The following MNAT1 variants were observed in gnomAD, a reference collection of about 807,000 sequenced individuals.
The protein encoded by MNAT1 is MNAT1 component of CDK activating kinase.
MNAT1 carries 43 observed loss-of-function variants against 42.0 expected under a neutral mutation model. The ratio of observed to expected loss-of-function variants is 1.02; its 90% confidence interval spans 0.80 to 1.32. The LOEUF (loss-of-function observed/expected upper bound fraction) is 1.32, where lower values mean the gene tolerates loss of function less well. Ranked by LOEUF, MNAT1 falls within the 40% of genes most tolerant of loss-of-function variation. The pLI is 0.00. For missense variants in MNAT1, 306 were observed against 350.4 expected (o/e 0.87, Z 1.01); for synonymous variants, 118 against 120.0 (o/e 0.98, Z 0.11).
intron 1 of MNAT1, among the ~76,000 whole-genome samples, chr14:60,795,992 T>C (rs2032005577): frequency 6.6e-6 from 1 of 152,172 alleles, no homozygotes; most frequent in Admixed American, 6.5e-5. Flanking sequence ...ATTTATAAAT[T>C]TGTTTGATCT....
intron 7 of MNAT1, among the ~76,000 whole-genome samples, chr14:60,943,232 C>T (rs1165656557): frequency 6.6e-6 from 1 of 151,924 alleles, no homozygotes; most frequent in Non-Finnish European, 1.5e-5. Flanking sequence ...GATTTAACTT[C>T]TATAGATCTG....
intron 7 of MNAT1, among the ~76,000 whole-genome samples, chr14:60,948,580 T>C (rs1400330939): frequency 6.6e-6 from 1 of 152,168 alleles, no homozygotes; most frequent in Admixed American, 6.5e-5. Flanking sequence ...TCATTTTCCT[T>C]TCATGTATCA....
intron 7 of MNAT1, among the ~76,000 whole-genome samples, chr14:60,931,055 TA>T (rs1484454537): frequency 1.3e-5 from 2 of 152,044 alleles, no homozygotes; most frequent in East Asian, 1.9e-4. Context: ...AAGCCTGAAG[TA>T]AAATAAAGTG....
chr14:60,752,392 T>G (rs73311456), intron 1 of MNAT1, among the ~76,000 whole-genome samples: 1 of 152,338 alleles, frequency 6.6e-6, no homozygotes, highest in African/African-American at 2.4e-5. Context: ...TAAAATAGAT[T>G]TATTTTAAGC....
At position 60,779,487 on chromosome 14, in the gene MNAT1, A is replaced by C. The variant is rs145868462; in HGVS notation, c.90-16730A>C. On this transcript the variant is annotated intron_variant, in intron 1 of 7. Transcript: ENST00000261245. ...TTCCCGTGGAAACAAAATAAGTAGA[A>C]TCCTTAAGAAGCTGTTTCCGGCTGG... is the stretch of plus-strand genomic sequence containing the variant. 4.9e-3 allele frequency among the ~76,000 whole-genome samples: 740 copies of C among 152,146 alleles called. 10 individuals carry two copies. The highest frequency in any genetic ancestry group is 0.016 in the African/African-American group (666 of 41,516).
intron 7 of MNAT1, chr14:60,919,927 G>T: frequency 6.2e-6 from 1 of 160,608 alleles, no homozygotes. Flanking sequence ...CCTGGTAGGA[G>T]AACTTGTTCC....
chr14:60,911,930 C>G (rs1047409282), intron 7 of MNAT1, among the ~76,000 whole-genome samples: 1 of 152,046 alleles, frequency 6.6e-6, no homozygotes, highest in Non-Finnish European at 1.5e-5. Context: ...GTGTTAAAGT[C>G]TCCCATTATT....
At chr14:60,812,237 G>A in intron 5 of MNAT1, 110 bp downstream of exon 5, 1 of 1,082,722 alleles carries the variant, frequency 9.2e-7, no homozygotes, top group South Asian at 2.5e-5. Context: ...TTGTAATCTG[G>A]TTCACCTTTA....
intron 1 of MNAT1, among the ~76,000 whole-genome samples, chr14:60,784,532 G>A (rs2031580468): frequency 6.6e-6 from 1 of 151,894 alleles, no homozygotes; most frequent in Non-Finnish European, 1.5e-5. Context: ...CCAGGCTGGA[G>A]TGCAGTGGTG....
chr14:60,751,765 TA>T (rs34806566), intron 1 of MNAT1, among the ~76,000 whole-genome samples: 2,700 of 145,538 alleles, frequency 0.019, 77 homozygotes, highest in African/African-American at 0.056. Flanking sequence ...TTGGAATATG[TA>T]AAAAAAAAAA....
At chr14:60,827,420 C>T (rs2033085147) in intron 6 of MNAT1, among the ~76,000 whole-genome samples, 1 of 152,120 alleles carries the variant, frequency 6.6e-6, no homozygotes, top group Non-Finnish European at 1.5e-5. Context: ...TCAAGCATTG[C>T]ATATTCCTCT....
intron 7 of MNAT1, among the ~76,000 whole-genome samples, chr14:60,946,206 C>T (rs1460174545): frequency 2.0e-5 from 3 of 152,170 alleles, no homozygotes; most frequent in African/African-American, 7.2e-5. Flanking sequence ...AAATTTCCAT[C>T]TTAAAACCAC....
At chr14:60,773,172 C>T (rs776329712) in intron 1 of MNAT1, among the ~76,000 whole-genome samples, 2 of 152,084 alleles carry the variant, frequency 1.3e-5, no homozygotes, top group African/African-American at 2.4e-5. Context: ...CTCCTAACCT[C>T]GTGACCTGCC....
intron 7 of MNAT1, among the ~76,000 whole-genome samples, chr14:60,933,087 C>A (rs2035921355): frequency 6.6e-6 from 1 of 151,862 alleles, no homozygotes; most frequent in Non-Finnish European, 1.5e-5. Flanking sequence ...ATGGAGATAT[C>A]TAATGGGGTT....
intron 6 of MNAT1, among the ~76,000 whole-genome samples, chr14:60,851,673 G>A (rs954657452): frequency 1.3e-5 from 2 of 152,054 alleles, no homozygotes; most frequent in Admixed American, 6.6e-5. Context: ...CATGCATTAG[G>A]TATATGTCTT....
chr14:60,788,528 T>C (rs1233051471), intron 1 of MNAT1, among the ~76,000 whole-genome samples: 2 of 152,198 alleles, frequency 1.3e-5, no homozygotes, highest in African/African-American at 4.8e-5. Flanking sequence ...TTCTCCTCTG[T>C]AGCTATGGAA....
At chr14:60,885,773 G>A (rs1340405445) in intron 7 of MNAT1, among the ~76,000 whole-genome samples, 1 of 151,964 alleles carries the variant, frequency 6.6e-6, no homozygotes, top group South Asian at 2.1e-4. Flanking sequence ...TTAGTTTGAT[G>A]TAGCTCTATT....
At chr14:60,890,455 A>G (rs986259631) in intron 7 of MNAT1, among the ~76,000 whole-genome samples, 1 of 152,188 alleles carries the variant, frequency 6.6e-6, no homozygotes, top group African/African-American at 2.4e-5. Flanking sequence ...ATAGATGTAT[A>G]TATGAAGGGG....
rs150266953 is a variant in MNAT1 at position 60,876,366 on chromosome 14, A to G, written c.688-3348A>G. 9.1e-3 allele frequency among the ~76,000 whole-genome samples: 1,384 copies of G among 152,174 alleles called. 15 individuals are homozygous for G. The highest frequency in any genetic ancestry group is 0.011 in the Non-Finnish European group (728 of 67,928). ...TCTTTTTCCTGTGTATTTTAATTCT[A>G]GCAAAGCAAATGAGGAAATTAGAAT... On this transcript the variant is annotated intron_variant, in intron 6 of 7. Transcript: ENST00000261245.
Sources: allele counts gnomAD v4.1 joint callset (sites outside exome capture counted in the v4.1 genomes callset), GRCh38; gene constraint gnomAD v4.1.1; transcripts MANE v1.5; gene names NCBI Gene and HGNC (gene_info 2026-07-23, HGNC 2026-07-21).